Variants in FAM20A observed in about 807,000 individuals in gnomAD.
The protein encoded by FAM20A is pseudokinase FAM20A.
A neutral mutation model predicts 52.0 loss-of-function variants in FAM20A; 42 were observed. That is an observed-to-expected ratio of 0.81 (90% CI 0.63 to 1.04). FAM20A has a LOEUF of 1.04. FAM20A is among the 50% of genes least tolerant of loss of function. The probability of loss-of-function intolerance (pLI) is 0.00; values close to 1 mark genes in which losing one functional copy is unlikely to be tolerated. For missense variants in FAM20A, 742 were observed against 712.7 expected (o/e 1.04, Z -0.47); for synonymous variants, 304 against 298.9 (o/e 1.02, Z -0.18).
intron 1 of FAM20A, among the ~76,000 whole-genome samples, chr17:68,557,783 G>A (rs958548662): frequency 2.0e-5 from 3 of 152,112 alleles, no homozygotes; most frequent in Non-Finnish European, 2.9e-5. Flanking sequence ...CATTCATGGC[G>A]TTTTCCTTGT....
In FAM20A at chr17:68,544,753, A is replaced by G. The variant is rs533977653; in HGVS notation, c.720-1032T>C. ...CAGGCCTGGCCAGCTTATCATCATC[A>G]CTGGATGTCCAGGCTAGCAAGGACA... On this transcript the variant is annotated intron_variant, in intron 4 of 10. Coordinates refer to ENST00000592554, the MANE Select transcript of FAM20A (RefSeq NM_017565.4). Among the ~76,000 whole-genome samples the G allele has an allele frequency of 2.6e-5, 4 of 152,284 alleles. No homozygotes were observed. In the East Asian group the frequency reaches 7.7e-4, roughly 29 times the overall value.
At chr17:68,550,644 G>C (rs2086794214) in intron 4 of FAM20A, among the ~76,000 whole-genome samples, 1 of 152,172 alleles carries the variant, frequency 6.6e-6, no homozygotes, top group Admixed American at 6.5e-5. Flanking sequence ...GCCTACCAAA[G>C]TACTGGGATT....
intron 4 of FAM20A, among the ~76,000 whole-genome samples, chr17:68,549,021 C>T (rs1028343618): frequency 6.6e-5 from 10 of 152,040 alleles, no homozygotes; most frequent in African/African-American, 2.2e-4. Flanking sequence ...CGTGAGCCAC[C>T]GTGCCCAGCC....
intron 1 of FAM20A, among the ~76,000 whole-genome samples, chr17:68,574,637 T>C (rs754646949): frequency 1.3e-4 from 20 of 152,202 alleles, no homozygotes; most frequent in Non-Finnish European, 2.6e-4. Flanking sequence ...GGTAACTTTA[T>C]CCTTTACAAA....
At chr17:68,539,801 G>T in intron 9 of FAM20A, 84 bp downstream of exon 9, 1 of 1,317,298 alleles carries the variant, frequency 7.6e-7, no homozygotes, top group Middle Eastern at 1.8e-4. Flanking sequence ...TCATTTGCAG[G>T]GCGTCTGTTT....
rs1472944855 is a variant in FAM20A, at chr17:68,600,595, G to A, written c.72C>T (p.Tyr24=). The change falls in exon 1 of 11, where the codon TAC becomes TAT. Residue 24 remains tyrosine, a synonymous_variant. Coordinates refer to ENST00000592554, the MANE Select transcript of FAM20A (RefSeq NM_017565.4). The surrounding 1 kb of genome is among the most constrained non-coding windows in gnomAD (Gnocchi z 6.2). ...LLGALLSADL[Y]FHLWPQVQRQ... ...GCTGTACTTGGGGCCAGAGGTGGAAGTAGAGGTCGGCGGAGAGCAGCGCGC... is the reference window on the plus strand; with the variant it reads ...GCTGTACTTGGGGCCAGAGGTGGAAATAGAGGTCGGCGGAGAGCAGCGCGC... The A allele has an allele frequency of 3.2e-6, 5 of 1,563,520 alleles. No homozygotes were observed. Among genetic ancestry groups the A allele is most frequent in the Non-Finnish European group, 4.3e-6 (5 of 1,156,606 alleles).
intron 1 of FAM20A, among the ~76,000 whole-genome samples, chr17:68,568,780 C>A (rs1281323810): frequency 1.4e-5 from 2 of 147,480 alleles, no homozygotes; most frequent in Non-Finnish European, 3.0e-5. Flanking sequence ...ATTGAGATAC[C>A]CAGATAATCC....
At chr17:68,578,315 T>C (rs1001405674) in intron 1 of FAM20A, among the ~76,000 whole-genome samples, 2 of 152,202 alleles carry the variant, frequency 1.3e-5, no homozygotes, top group African/African-American at 4.8e-5. Context: ...GTGGGTACAA[T>C]ACGGGGTTAG....
At chr17:68,550,968 T>C (rs1467960269) in intron 4 of FAM20A, 3 of 924,764 alleles carry the variant, frequency 3.2e-6, no homozygotes, top group Non-Finnish European at 4.2e-6. Context: ...TCCCCTTGAA[T>C]GGCTGAAGGT....
intron 1 of FAM20A, among the ~76,000 whole-genome samples, chr17:68,563,255 AGG>A (rs1359772682): frequency 6.6e-6 from 1 of 151,848 alleles, no homozygotes; most frequent in African/African-American, 2.4e-5. Flanking sequence ...GTGTGGTGGC[AGG>A]CGCCTGTAAT....
At chr17:68,581,760 G>C (rs1311386957) in intron 1 of FAM20A, among the ~76,000 whole-genome samples, 1 of 151,816 alleles carries the variant, frequency 6.6e-6, no homozygotes, top group Non-Finnish European at 1.5e-5. Context: ...ATTTTTAGTA[G>C]AGACAGGGTT....
At chr17:68,561,479 A>C (rs868558534) in intron 1 of FAM20A, among the ~76,000 whole-genome samples, 1 of 152,126 alleles carries the variant, frequency 6.6e-6, no homozygotes, top group African/African-American at 2.4e-5. Context: ...TATTTCTGGA[A>C]GCTCCATTCT....
Position 68,600,328 on chromosome 17 carries a change from C to T in FAM20A, c.339G>A (p.Glu113=), listed in dbSNP as rs771199261. The T allele has an allele frequency of 6.3e-7, 1 of 1,594,980 alleles. No homozygotes were observed. ...VPEEPPLLGA[E]DSLLASQEAL... Reference sequence around the variant, plus strand: ...CCTCCTGGCTGGCCAGGAGCGAGTCCTCGGCTCCCAGGAGAGGCGGCTCCT... The same window carrying T: ...CCTCCTGGCTGGCCAGGAGCGAGTCTTCGGCTCCCAGGAGAGGCGGCTCCT... The change falls in exon 1 of 11, where the codon GAG becomes GAA. Residue 113 remains glutamate, a synonymous_variant. Coordinates refer to ENST00000592554, the MANE Select transcript of FAM20A (RefSeq NM_017565.4). This position sits in a 1 kb window ranked among gnomAD's most constrained non-coding sequence, Gnocchi z 6.2.
chr17:68,596,069 C>G (rs2088443564), intron 1 of FAM20A, among the ~76,000 whole-genome samples: 1 of 152,182 alleles, frequency 6.6e-6, no homozygotes, highest in Non-Finnish European at 1.5e-5. Flanking sequence ...CTTTGACCAA[C>G]TGTCATTTTT....
intron 4 of FAM20A, among the ~76,000 whole-genome samples, chr17:68,547,620 G>A (rs1034029295): frequency 1.1e-4 from 17 of 152,328 alleles, no homozygotes; most frequent in South Asian, 2.1e-4. Context: ...TATCTTCCAA[G>A]TTTTCTTCTG....
At chr17:68,555,097 A>G (rs112370710) in intron 2 of FAM20A, among the ~76,000 whole-genome samples, 36 of 152,280 alleles carry the variant, frequency 2.4e-4, no homozygotes, top group African/African-American at 8.7e-4. Context: ...CTCTGCTAAT[A>G]ATTTGCTGTG....
At position 68,600,556 on chromosome 17, in the gene FAM20A, A is replaced by G; in HGVS notation, c.111T>C (p.Pro37=). The G allele has an allele frequency of 6.4e-7, 1 of 1,557,304 alleles. No homozygotes were observed. Among genetic ancestry groups the G allele is most frequent in the East Asian group, 2.4e-5 (1 of 41,678 alleles). Residue 37 remains proline, a synonymous_variant, in exon 1 of 11, where the codon CCT becomes CCC. Transcript: ENST00000592554. This position sits in a 1 kb window ranked among gnomAD's most constrained non-coding sequence, Gnocchi z 6.2. The part of the protein sequence containing the change: ...LWPQVQRQLR[P]RERPRGCPCT... ...ACGGGCACCCCCGCGGGCGCTCCCG[A>G]GGCCGCAGCTGGCGCTGTACTTGGG...
rs1454906119 is a variant in FAM20A, at chr17:68,555,423, C to T, written c.589+136G>A. 5.8e-5 allele frequency: 56 copies of T among 963,590 alleles called. No individual in the cohort carries two copies. The East Asian group carries it at 9.6e-4, about 17-fold the overall frequency. The allele number at this position is 963,590 out of a possible 1,614,324, so 59.7% of individuals were successfully genotyped here. A position where few individuals can be genotyped will look rare whatever the true frequency, so the allele number is the denominator to read the frequency against. Reference sequence around the variant, plus strand: ...GGATCTCTTCCAGAGGGAAAAAGATCAATGCATATGTTCCTCTTCTCTCAG... The same window carrying T: ...GGATCTCTTCCAGAGGGAAAAAGATTAATGCATATGTTCCTCTTCTCTCAG... On this transcript the variant is annotated intron_variant, in intron 2 of 10. Coordinates refer to ENST00000592554, the MANE Select transcript of FAM20A (RefSeq NM_017565.4).
At chr17:68,542,875 C>T (rs1289687670) in intron 5 of FAM20A, 66 bp from the exon 6 acceptor site, 2 of 1,270,986 alleles carry the variant, frequency 1.6e-6, no homozygotes, top group East Asian at 4.6e-5. Flanking sequence ...GGGTTTTGTC[C>T]CCCGGCCAGT....
Sources: gnomAD v4.1 joint callset for allele counts (sites outside exome capture counted in the v4.1 genomes callset) on GRCh38, gnomAD v4.1.1 for gene constraint, Gnocchi (gnomAD v3.1) non-coding constraint, MANE v1.5 for transcripts, NCBI Gene and HGNC (gene_info 2026-07-23, HGNC 2026-07-21) for gene names.